COX7B2: variants seen among roughly 807,000 people sequenced by gnomAD.
The protein encoded by COX7B2 is cytochrome c oxidase subunit 7B2, mitochondrial.
For missense variants in COX7B2, 109 were observed against 95.9 expected, an observed-to-expected ratio of 1.14 and a Z score of -0.57; for synonymous variants, 37 against 32.1, an observed-to-expected ratio of 1.15 and a Z score of -0.51.
intron 2 of COX7B2, among the ~76,000 whole-genome samples, chr4:46,823,322 A>C (rs1418666018): frequency 6.6e-6 from 1 of 151,522 alleles, no homozygotes; most frequent in South Asian, 2.1e-4. Flanking sequence ...GTATGTGCAC[A>C]CATACACATA....
At chr4:46,867,294 T>C (rs569760831) in intron 1 of COX7B2, among the ~76,000 whole-genome samples, 58 of 152,252 alleles carry the variant, frequency 3.8e-4, no homozygotes, top group South Asian at 1.2e-3. Context: ...CCCTTTAACA[T>C]TAAGGAGTAG....
Position 46,866,554 on chromosome 4 carries a change from C to T in COX7B2, c.-104-21540G>A, listed in dbSNP as rs115053879. Reference sequence around the variant, plus strand: ...CCTCTGAGGGTCACTGTCTATAACCCCATAAGGCCCAATAATACCAAAAAT... The same window carrying T: ...CCTCTGAGGGTCACTGTCTATAACCTCATAAGGCCCAATAATACCAAAAAT... On this transcript the variant is annotated intron_variant, in intron 1 of 2. Transcript: ENST00000355591. Among the ~76,000 whole-genome samples, 679 of 152,184 alleles carry T rather than the reference C, an allele frequency of 4.5e-3. 7 individuals carry two copies. Among genetic ancestry groups the T allele is most frequent in the African/African-American group, 0.016 (658 of 41,528 alleles).
At chr4:46,854,804 C>G (rs922639031) in intron 1 of COX7B2, among the ~76,000 whole-genome samples, 1 of 151,696 alleles carries the variant, frequency 6.6e-6, no homozygotes, top group Non-Finnish European at 1.5e-5. Context: ...TTAAAAAGGC[C>G]GCTTACAAAA....
At chr4:46,866,879 A>T (rs1717698900) in intron 1 of COX7B2, among the ~76,000 whole-genome samples, 2 of 152,206 alleles carry the variant, frequency 1.3e-5, no homozygotes, top group East Asian at 3.8e-4. Flanking sequence ...GTTGAGTTTA[A>T]CATTCAAAAA....
chr4:46,835,737 C>T (rs758120880), intron 2 of COX7B2, among the ~76,000 whole-genome samples: 1 of 152,052 alleles, frequency 6.6e-6, no homozygotes, highest in Non-Finnish European at 1.5e-5. Context: ...AAGTGATGTG[C>T]CATTTAATGA....
chr4:46,763,296 C>T (rs545172345), intron 2 of COX7B2, among the ~76,000 whole-genome samples: 2 of 144,826 alleles, frequency 1.4e-5, no homozygotes, highest in East Asian at 2.0e-4. Flanking sequence ...TTCTATAAAG[C>T]ATATAATTTC....
intron 2 of COX7B2, among the ~76,000 whole-genome samples, chr4:46,770,461 T>C (rs1408657817): frequency 6.6e-6 from 1 of 152,118 alleles, no homozygotes; most frequent in Non-Finnish European, 1.5e-5. Flanking sequence ...AAAATTCCAA[T>C]GGCATTTTTC....
intron 1 of COX7B2, among the ~76,000 whole-genome samples, chr4:46,874,906 T>A (rs1380711181): frequency 1.3e-5 from 2 of 152,224 alleles, no homozygotes; most frequent in Admixed American, 1.3e-4. Flanking sequence ...ATCTGCTTTC[T>A]ACCTGAGAGG....
intron 2 of COX7B2, among the ~76,000 whole-genome samples, chr4:46,786,532 T>C (rs906708384): frequency 1.3e-5 from 2 of 152,206 alleles, no homozygotes; most frequent in African/African-American, 4.8e-5. Context: ...TCATGTATAA[T>C]AGTCACTTGT....
At chr4:46,898,632 C>A (rs187812291) in intron 1 of COX7B2, among the ~76,000 whole-genome samples, 2 of 152,098 alleles carry the variant, frequency 1.3e-5, no homozygotes, top group South Asian at 4.2e-4. Context: ...GCTGTGTTAA[C>A]CAGGCTGTTC....
chr4:46,750,284 C>T (rs2109428433), intron 2 of COX7B2, among the ~76,000 whole-genome samples: 1 of 151,028 alleles, frequency 6.6e-6, no homozygotes, highest in Non-Finnish European at 1.5e-5. Context: ...GTCCTAGCTA[C>T]TCAGGAGGCT....
At chr4:46,784,212 G>A (rs1201469377) in intron 2 of COX7B2, among the ~76,000 whole-genome samples, 2 of 152,124 alleles carry the variant, frequency 1.3e-5, no homozygotes, top group Non-Finnish European at 2.9e-5. Flanking sequence ...AACATACAAT[G>A]AGTAGACAAA....
intron 2 of COX7B2, among the ~76,000 whole-genome samples, chr4:46,839,489 A>C (rs1715779251): frequency 6.6e-6 from 1 of 151,956 alleles, no homozygotes; most frequent in African/African-American, 2.4e-5. Context: ...CATTATTATT[A>C]AGAGGCAGTA....
At chr4:46,823,662 G>T (rs925330464) in intron 2 of COX7B2, among the ~76,000 whole-genome samples, 2 of 151,274 alleles carry the variant, frequency 1.3e-5, no homozygotes, top group Non-Finnish European at 2.9e-5. Context: ...AAATAAAGTT[G>T]TAAGGTCAGC....
At chr4:46,809,348 T>C (rs994397913) in intron 2 of COX7B2, among the ~76,000 whole-genome samples, 1 of 151,814 alleles carries the variant, frequency 6.6e-6, no homozygotes, top group Non-Finnish European at 1.5e-5. Flanking sequence ...TTCTAGTTCC[T>C]TGAGGCTTAA....
chr4:46,849,654 C>T (rs571829369), intron 1 of COX7B2, among the ~76,000 whole-genome samples: 1 of 152,074 alleles, frequency 6.6e-6, no homozygotes, highest in South Asian at 2.1e-4. Flanking sequence ...TTTAATACAG[C>T]TTTTACTTAA....
chr4:46,756,035 G>A (rs976103028), intron 2 of COX7B2, among the ~76,000 whole-genome samples: 5 of 151,990 alleles, frequency 3.3e-5, no homozygotes, highest in African/African-American at 1.2e-4. Context: ...CAAAGCTGGA[G>A]GCATCACATT....
chr4:46,902,528 C>A (rs1376642727), intron 1 of COX7B2, among the ~76,000 whole-genome samples: 2 of 152,188 alleles, frequency 1.3e-5, no homozygotes, highest in Admixed American at 6.5e-5. Context: ...TGCTTCTTTG[C>A]TTCTTCCATT....
chr4:46,851,931 C>A (rs1716717427), intron 1 of COX7B2, among the ~76,000 whole-genome samples: 1 of 152,016 alleles, frequency 6.6e-6, no homozygotes. Flanking sequence ...TGGTGTTAAC[C>A]AGGTTCTCCC....
Sources: allele counts gnomAD v4.1 joint callset (sites outside exome capture counted in the v4.1 genomes callset), GRCh38; gene constraint gnomAD v4.1.1; transcripts MANE v1.5; gene names NCBI Gene and HGNC (gene_info 2026-07-23, HGNC 2026-07-21).